Variants in ENPEP observed in about 807,000 individuals in gnomAD.
ENPEP encodes the protein AP-A.
Under a neutral mutation model 114.5 loss-of-function variants are expected in ENPEP, and 103 were observed. That is an observed-to-expected ratio of 0.90 (90% CI 0.77 to 1.06). ENPEP has a LOEUF of 1.06. ENPEP is among the 50% of genes least tolerant of loss of function. ENPEP has a pLI of 0.00. For synonymous variants in ENPEP, 420 were observed against 422.0 expected (o/e 1.00, Z 0.06); for missense variants, 1,196 against 1,161.3 (o/e 1.03, Z -0.43).
chr4:110,560,549 C>A (rs1727642998), intron 19 of ENPEP, among the ~76,000 whole-genome samples: 1 of 151,920 alleles, frequency 6.6e-6, no homozygotes, highest in South Asian at 2.1e-4. Flanking sequence ...TTCAAAGAGC[C>A]TCTAAGAAAG....
chr4:110,515,193 T>C (rs1210169576), intron 7 of ENPEP, among the ~76,000 whole-genome samples, 184 bp from the exon 8 acceptor site: 1 of 152,206 alleles, frequency 6.6e-6, no homozygotes, highest in Non-Finnish European at 1.5e-5. Context: ...GATGCATAGA[T>C]ACAGGGACTG....
At chr4:110,491,906 A>G (rs1724741026) in intron 3 of ENPEP, among the ~76,000 whole-genome samples, 1 of 151,668 alleles carries the variant, frequency 6.6e-6, no homozygotes, top group Admixed American at 6.6e-5. Context: ...TTTTTAGTAG[A>G]GACGGGGTTT....
At chr4:110,496,047 A>C (rs1724923892) in intron 3 of ENPEP, among the ~76,000 whole-genome samples, 1 of 152,278 alleles carries the variant, frequency 6.6e-6, no homozygotes, top group Admixed American at 6.5e-5. Flanking sequence ...ATTATGTTGT[A>C]CTTTCTTCCA....
intron 3 of ENPEP, among the ~76,000 whole-genome samples, chr4:110,495,360 A>G (rs1211503817): frequency 6.6e-6 from 1 of 152,222 alleles, no homozygotes; most frequent in African/African-American, 2.4e-5. Flanking sequence ...CAGTTGACCT[A>G]CAGTAACTTT....
At position 110,520,255 on chromosome 4, in the gene ENPEP, C is replaced by T. The variant is rs769292114; in HGVS notation, c.1616C>T (p.Thr539Ile). 6.2e-7 allele frequency: 1 copy of T among 1,613,944 alleles called. No homozygotes were observed. The highest frequency in any genetic ancestry group is 1.7e-5 in the Admixed American group (1 of 60,002). The change falls in exon 10 of 20, where the codon ACC (threonine) becomes ATC (isoleucine). Residue 539 changes from threonine to isoleucine, a missense_variant. Physicochemically the swap from Thr to Ile is moderately conservative, Grantham distance 89. Coordinates refer to ENST00000265162, the MANE Select transcript of ENPEP (RefSeq NM_001977.4). The part of the protein sequence containing the change: ...LPVKEVMDTW[T>I]RQMGYPVLNV... ...GTGAAAGAAGTAATGGACACCTGGA[C>T]CAGACAGATGGGTTATCCTGTGCTT... is the stretch of plus-strand genomic sequence containing the variant.
intron 13 of ENPEP, among the ~76,000 whole-genome samples, 170 bp downstream of exon 13, chr4:110,543,240 G>A (rs1726921128): frequency 6.6e-6 from 1 of 151,924 alleles, no homozygotes; most frequent in African/African-American, 2.4e-5. Flanking sequence ...GTTCACATGA[G>A]CCTAATAGTC....
At chr4:110,490,837 C>A (rs1174752918) in intron 2 of ENPEP, among the ~76,000 whole-genome samples, 196 bp from the exon 3 acceptor site, 1 of 152,192 alleles carries the variant, frequency 6.6e-6, no homozygotes, top group Non-Finnish European at 1.5e-5. Context: ...GTAATTCAGT[C>A]AGTCTTTAAC....
chr4:110,521,807 T>C (rs1437046457), intron 10 of ENPEP, among the ~76,000 whole-genome samples: 9 of 151,576 alleles, frequency 5.9e-5, no homozygotes, highest in Non-Finnish European at 1.2e-4. Flanking sequence ...CAAACACACA[T>C]AGAGCTAGCA....
At chr4:110,517,142 G>A (rs1186388493) in intron 8 of ENPEP, among the ~76,000 whole-genome samples, 2 of 152,012 alleles carry the variant, frequency 1.3e-5, no homozygotes, top group South Asian at 2.1e-4. Context: ...GTGTCGCCAC[G>A]TTGCCCAGGC....
rs777642522 is a variant in ENPEP, at chr4:110,543,060, G to T, written c.1990G>T (p.Ala664Ser). The T allele has an allele frequency of 6.2e-7, 1 of 1,612,966 alleles. No homozygotes were observed. The highest frequency in any genetic ancestry group is 2.2e-5 in the East Asian group (1 of 44,846). Reference protein sequence around the residue: ...DRASLIDDAFALARAQLLDYK... With the variant: ...DRASLIDDAFSLARAQLLDYK... ...TGCAAGTCTTATTGATGATGCTTTT[G>T]CCTTGGCAAGGTGCGTTTTAGAATG... The change falls in exon 13 of 20, where the codon GCC (alanine) becomes TCC (serine). Residue 664 changes from alanine (A) to serine (S), a missense_variant. By Grantham distance (99) the Ala-to-Ser change is moderately conservative (BLOSUM62 1). Transcript: ENST00000265162.
At chr4:110,541,041 A>G (rs1427545976) in intron 11 of ENPEP, among the ~76,000 whole-genome samples, 1 of 152,156 alleles carries the variant, frequency 6.6e-6, no homozygotes, top group Non-Finnish European at 1.5e-5. Context: ...CTTTATGCTT[A>G]GCAAGAAACT....
chr4:110,488,304 A>G (rs993300249), intron 1 of ENPEP, among the ~76,000 whole-genome samples: 6 of 152,234 alleles, frequency 3.9e-5, no homozygotes, highest in Non-Finnish European at 8.8e-5. Context: ...TTGACAAATA[A>G]ATATGTGAAT....
chr4:110,488,991 C>G (rs1449529421), intron 2 of ENPEP, among the ~76,000 whole-genome samples: 1 of 152,126 alleles, frequency 6.6e-6, no homozygotes, highest in Non-Finnish European at 1.5e-5. Flanking sequence ...ACAGTAATGG[C>G]AAACTAATGG....
In ENPEP at chr4:110,549,399, T is replaced by C. The variant is rs1191666566; in HGVS notation, c.2205T>C (p.Asp735=). ...TTGCAGATTCTCTGGGATGGAATGA[T>C]GCTGGAGACCATGTCACAAAGTTAT... The part of the protein sequence containing the change: ...KPIADSLGWN[D]AGDHVTKLLR... The change falls in exon 15 of 20, where the codon GAT becomes GAC. Residue 735 remains aspartate, a synonymous_variant. Coordinates refer to ENST00000265162, the MANE Select transcript of ENPEP (RefSeq NM_001977.4). 5.6e-6 allele frequency: 9 copies of C among 1,613,356 alleles called. No homozygotes were observed. In the East Asian group the frequency reaches 2.0e-4, roughly 36 times the overall value.
chr4:110,526,358 A>G (rs1726197694), intron 10 of ENPEP, among the ~76,000 whole-genome samples: 1 of 152,224 alleles, frequency 6.6e-6, no homozygotes, highest in African/African-American at 2.4e-5. Flanking sequence ...ATGATTTACA[A>G]CACTTATTGA....
intron 3 of ENPEP, among the ~76,000 whole-genome samples, chr4:110,497,212 AT>A (rs2110342884): frequency 6.6e-6 from 1 of 152,272 alleles, no homozygotes; most frequent in South Asian, 2.1e-4. Flanking sequence ...TTTTTGACAT[AT>A]GGTCATTTCA....
chr4:110,482,936 G>A (rs1724368952), intron 1 of ENPEP, among the ~76,000 whole-genome samples: 1 of 152,146 alleles, frequency 6.6e-6, no homozygotes, highest in South Asian at 2.1e-4. Context: ...TTGAACCCAG[G>A]AGGCGGAGGT....
At chr4:110,484,637 A>G (rs1724434298) in intron 1 of ENPEP, among the ~76,000 whole-genome samples, 1 of 151,472 alleles carries the variant, frequency 6.6e-6, no homozygotes, top group Admixed American at 6.6e-5. Context: ...TTAGGAAGGT[A>G]GTTTTTGCCT....
intron 3 of ENPEP, chr4:110,499,912 G>T (rs536703211): frequency 6.6e-6 from 1 of 152,092 alleles, no homozygotes; most frequent in South Asian, 2.1e-4. Flanking sequence ...TGGAGTAAAA[G>T]AAATGTTGCA....
Sources: allele counts gnomAD v4.1 joint callset (sites outside exome capture counted in the v4.1 genomes callset), GRCh38; gene constraint gnomAD v4.1.1; transcripts MANE v1.5; gene names NCBI Gene and HGNC (gene_info 2026-07-23, HGNC 2026-07-21).